NDUFAF2: variants seen among roughly 807,000 people sequenced by gnomAD.
NDUFAF2 encodes NADH:ubiquinone oxidoreductase complex assembly factor 2.
A neutral mutation model predicts 22.8 loss-of-function variants in NDUFAF2; 13 were observed. The ratio of observed to expected loss-of-function variants is 0.57; its 90% CI spans 0.37 to 0.91. NDUFAF2 has a LOEUF of 0.91. Ranked by LOEUF, NDUFAF2 falls within the 40% of genes least tolerant of loss-of-function variation. The pLI, the probability that NDUFAF2 is intolerant of heterozygous loss-of-function variation, is 0.01. For missense variants in NDUFAF2, 162 were observed against 195.2 expected (o/e 0.83, Z 1.01); for synonymous variants, 53 against 64.2 (o/e 0.83, Z 0.84).
chr5:61,086,848 G>A (rs1436227531), intron 2 of NDUFAF2, among the ~76,000 whole-genome samples: 1 of 151,952 alleles, frequency 6.6e-6, no homozygotes, highest in African/African-American at 2.4e-5. Context: ...CCATAGACAG[G>A]GAGAAAAATT....
At chr5:60,992,506 G>C (rs1357435568) in intron 1 of NDUFAF2, among the ~76,000 whole-genome samples, 1 of 151,900 alleles carries the variant, frequency 6.6e-6, no homozygotes, top group Non-Finnish European at 1.5e-5. Context: ...TATTATTTTT[G>C]ATTAATTCAT....
At chr5:60,970,690 C>T (rs976220333) in intron 1 of NDUFAF2, among the ~76,000 whole-genome samples, 6 of 152,154 alleles carry the variant, frequency 3.9e-5, no homozygotes, top group East Asian at 1.9e-4. Flanking sequence ...CTTTCTTTCT[C>T]TTGCCTGATT....
chr5:61,140,761 T>C (rs1741040767), intron 3 of NDUFAF2, among the ~76,000 whole-genome samples: 1 of 152,244 alleles, frequency 6.6e-6, no homozygotes, highest in South Asian at 2.1e-4. Context: ...GTATACCATA[T>C]GAACCACTCA....
intron 3 of NDUFAF2, among the ~76,000 whole-genome samples, chr5:61,109,474 T>A (rs138397144): frequency 6.6e-6 from 1 of 152,322 alleles, no homozygotes; most frequent in East Asian, 1.9e-4. Context: ...TAACTAGGAC[T>A]TCCAATATTA....
intron 2 of NDUFAF2, among the ~76,000 whole-genome samples, chr5:61,093,895 G>T (rs1461472956): frequency 2.6e-5 from 4 of 152,076 alleles, no homozygotes; most frequent in African/African-American, 7.2e-5. Context: ...CTGGTCCTGG[G>T]CTTTTTTGGT....
chr5:61,098,211 T>C (rs1407645854), intron 2 of NDUFAF2, among the ~76,000 whole-genome samples: 1 of 151,740 alleles, frequency 6.6e-6, no homozygotes, highest in Non-Finnish European at 1.5e-5. Context: ...TAATTTCCAT[T>C]TTATAGATGG....
At position 61,150,107 on chromosome 5, in the gene NDUFAF2, T is replaced by G. The variant is rs1741208640; in HGVS notation, c.259-2597T>G. Among the ~76,000 whole-genome samples the G allele has an allele frequency of 1.3e-5, 2 of 152,132 alleles. 1 individual carries two copies. Among genetic ancestry groups the G allele is most frequent in the South Asian group, 4.1e-4 (2 of 4,826 alleles). On this transcript the variant is annotated intron_variant, in intron 3 of 3. Coordinates refer to ENST00000296597, the MANE Select transcript of NDUFAF2 (RefSeq NM_174889.5). ...CCACAATGCACAGCTAATTTTTGTA[T>G]TTTTAGTAGAGACAGGGTTTTCCCA...
intron 1 of NDUFAF2, among the ~76,000 whole-genome samples, chr5:61,042,549 T>C (rs540608995): frequency 1.2e-3 from 184 of 152,290 alleles, no homozygotes; most frequent in Non-Finnish European, 1.8e-3. Context: ...CAGTTGTGTG[T>C]GTGCATGGGT....
chr5:60,955,599 GA>G lies in NDUFAF2; in HGVS notation c.127+10226del, dbSNP rs944401506. Among the ~76,000 whole-genome samples the G allele has an allele frequency of 3.3e-4, 50 of 150,676 alleles. No homozygotes were observed. The Middle Eastern group carries it at 0.01, about 31-fold the overall frequency. On this transcript the variant is annotated intron_variant, in intron 1 of 3. Coordinates refer to ENST00000296597, the MANE Select transcript of NDUFAF2 (RefSeq NM_174889.5). ...TTTAGGATTGTTGTTTCTATTTCTGGAAAAAAAAAGTCATTGGAGTTTTGTT... is the reference window on the plus strand; with the variant it reads ...TTTAGGATTGTTGTTTCTATTTCTGGAAAAAAAAGTCATTGGAGTTTTGTT...
intron 1 of NDUFAF2, among the ~76,000 whole-genome samples, chr5:60,966,569 T>C (rs1486527462): frequency 6.6e-6 from 1 of 152,168 alleles, no homozygotes; most frequent in East Asian, 1.9e-4. Flanking sequence ...TTCATTCTTT[T>C]GCATGTGGAT....
rs188982979 is a variant in NDUFAF2 at position 61,032,306 on chromosome 5, C to T, written c.128-40819C>T. Reference sequence around the variant, plus strand: ...TTAGTCATAAAGTCGTTGCCCATGCCTATGTCTTGAATGGTATTGCCTAGG... The same window carrying T: ...TTAGTCATAAAGTCGTTGCCCATGCTTATGTCTTGAATGGTATTGCCTAGG... On this transcript the variant is annotated intron_variant, in intron 1 of 3. Transcript: ENST00000296597. 2.9e-3 allele frequency among the ~76,000 whole-genome samples: 435 copies of T among 152,238 alleles called. 2 individuals carry two copies. The highest frequency in any genetic ancestry group is 5.0e-3 in the Non-Finnish European group (342 of 68,014).
chr5:61,110,340 C>G (rs1406235262), intron 3 of NDUFAF2, among the ~76,000 whole-genome samples: 1 of 151,354 alleles, frequency 6.6e-6, no homozygotes, highest in Non-Finnish European at 1.5e-5. Context: ...GTATATTGAC[C>G]TACTAGAGTG....
chr5:61,037,175 G>T (rs1458783123), intron 1 of NDUFAF2, among the ~76,000 whole-genome samples: 1 of 152,166 alleles, frequency 6.6e-6, no homozygotes, highest in Admixed American at 6.6e-5. Flanking sequence ...TGTTTAGGCG[G>T]TGATTGAGTG....
intron 1 of NDUFAF2, among the ~76,000 whole-genome samples, chr5:60,996,780 A>G (rs1462532812): frequency 2.0e-5 from 3 of 152,108 alleles, no homozygotes; most frequent in Admixed American, 6.6e-5. Flanking sequence ...GCTTAGCTCA[A>G]TTTGGTCTGG....
In NDUFAF2 at chr5:61,153,001, T is replaced by C; in HGVS notation, c.*46T>C. The stretch of plus-strand genomic sequence containing the variant: ...TTCATGTATATGGATGTGACTATTT[T>C]AACAAATAAAAGAAGTGAAAAGTTA... On this transcript the variant is annotated 3_prime_UTR_variant, in exon 4 of 4. Coordinates refer to ENST00000296597, the MANE Select transcript of NDUFAF2 (RefSeq NM_174889.5). The C allele has an allele frequency of 1.2e-6, 2 of 1,600,528 alleles. No individual in the cohort carries two copies. Among genetic ancestry groups the C allele is most frequent in the Non-Finnish European group, 1.7e-6 (2 of 1,170,120 alleles).
chr5:61,036,095 C>T (rs1405103807), intron 1 of NDUFAF2, among the ~76,000 whole-genome samples: 1 of 152,148 alleles, frequency 6.6e-6, no homozygotes, highest in Non-Finnish European at 1.5e-5. Flanking sequence ...AGAAAAGAGT[C>T]AAAGGCTCAC....
intron 1 of NDUFAF2, among the ~76,000 whole-genome samples, chr5:61,006,272 G>A (rs1041461126): frequency 1.3e-5 from 2 of 152,128 alleles, no homozygotes; most frequent in East Asian, 1.9e-4. Context: ...TATTATTTCC[G>A]AGGGCTCTAT....
intron 2 of NDUFAF2, among the ~76,000 whole-genome samples, chr5:61,081,513 A>G (rs1352398494): frequency 6.6e-6 from 1 of 152,160 alleles, no homozygotes; most frequent in African/African-American, 2.4e-5. Flanking sequence ...AGACTATTTG[A>G]AATGTGGATT....
intron 3 of NDUFAF2, among the ~76,000 whole-genome samples, chr5:61,107,964 A>G (rs1752789444): frequency 6.6e-6 from 1 of 150,496 alleles, no homozygotes; most frequent in Admixed American, 6.6e-5. Context: ...ATGATTTCCA[A>G]TTTCATCCAT....
Sources: gnomAD v4.1 joint callset for allele counts (sites outside exome capture counted in the v4.1 genomes callset) on GRCh38, gnomAD v4.1.1 for gene constraint, MANE v1.5 for transcripts, NCBI Gene and HGNC (gene_info 2026-07-23, HGNC 2026-07-21) for gene names.